The following ROBO2 variants were observed in gnomAD, a reference collection of about 807,000 sequenced individuals.
ROBO2 encodes the protein roundabout guidance receptor 2.
Under a neutral mutation model 160.8 loss-of-function variants are expected in ROBO2, and 53 were observed. That is an observed-to-expected ratio of 0.33 (90% confidence interval 0.26 to 0.41). The LOEUF is 0.41. Ranked by LOEUF, ROBO2 falls within the 10% of genes least tolerant of loss-of-function variation. ROBO2 has a pLI of 1.00. For missense variants in ROBO2, 1,577 were observed against 1,722.4 expected, an observed-to-expected ratio of 0.92 and a Z score of 1.49; for synonymous variants, 664 against 611.7, an observed-to-expected ratio of 1.09 and a Z score of -1.26.
At chr3:76,890,506 C>G (rs1018359376) in intron 2 of ROBO2, among the ~76,000 whole-genome samples, 3 of 152,066 alleles carry the variant, frequency 2.0e-5, no homozygotes, top group African/African-American at 4.8e-5. Context: ...GCTGTCTGTC[C>G]CAGAAGAGCC....
At position 77,584,746 on chromosome 3, in the gene ROBO2, G is replaced by A. The variant is rs566579882; in HGVS notation, c.2501-4005G>A. On this transcript the variant is annotated intron_variant, in intron 16 of 25. Coordinates refer to ENST00000461745, the Ensembl canonical transcript of ROBO2. ...TAACCTGAGGGAAACCTACAATCTTGTCCTTCTGAGATTTTCTAAAATAAA... is the reference window on the plus strand; with the variant it reads ...TAACCTGAGGGAAACCTACAATCTTATCCTTCTGAGATTTTCTAAAATAAA... 4.0e-5 allele frequency among the ~76,000 whole-genome samples: 6 copies of A among 151,822 alleles called. No individual in the cohort carries two copies. The South Asian group carries it at 1.2e-3, about 32-fold the overall frequency.
intron 22 of ROBO2, among the ~76,000 whole-genome samples, chr3:77,621,514 T>C (rs1056680888): frequency 2.0e-5 from 3 of 152,196 alleles, no homozygotes; most frequent in Non-Finnish European, 4.4e-5. Context: ...TTAGAATTAT[T>C]TATTCATTGC....
intron 2 of ROBO2, among the ~76,000 whole-genome samples, chr3:77,130,664 A>G (rs969697075): frequency 6.6e-6 from 1 of 152,166 alleles, no homozygotes; most frequent in Admixed American, 6.5e-5. Flanking sequence ...TACATACATT[A>G]TTATTAACTA....
intron 2 of ROBO2, among the ~76,000 whole-genome samples, chr3:76,832,314 G>C (rs145570087): frequency 6.6e-6 from 1 of 152,144 alleles, no homozygotes; most frequent in Non-Finnish European, 1.5e-5. Flanking sequence ...ACTATTTCCT[G>C]CTCTCTGTTA....
At chr3:76,937,249 T>C (rs2149088657) in intron 2 of ROBO2, among the ~76,000 whole-genome samples, 1 of 152,326 alleles carries the variant, frequency 6.6e-6, no homozygotes, top group African/African-American at 2.4e-5. Context: ...CTGATTCAAA[T>C]GTCTACCTTA....
intron 2 of ROBO2, among the ~76,000 whole-genome samples, chr3:76,418,386 G>A (rs1347940443): frequency 6.6e-6 from 1 of 152,070 alleles, no homozygotes; most frequent in Non-Finnish European, 1.5e-5. Context: ...GACTACAGGT[G>A]AATGCCACCA....
chr3:77,413,613 C>T (rs34820958), intron 2 of ROBO2, among the ~76,000 whole-genome samples: 16,574 of 152,124 alleles, frequency 0.11, 954 homozygotes, highest in South Asian at 0.16. Flanking sequence ...GTTACAGTAA[C>T]GTAGGTGAGA....
intron 12 of ROBO2, among the ~76,000 whole-genome samples, chr3:77,566,769 C>T (rs1440066754): frequency 6.6e-6 from 1 of 152,022 alleles, no homozygotes; most frequent in East Asian, 1.9e-4. Context: ...GACTTCTGTG[C>T]TCTTAACAAA....
At chr3:76,849,051 C>G (rs2069063208) in intron 2 of ROBO2, among the ~76,000 whole-genome samples, 1 of 152,032 alleles carries the variant, frequency 6.6e-6, no homozygotes, top group Non-Finnish European at 1.5e-5. Flanking sequence ...CAAGTGTCAC[C>G]CCATCTGTTT....
Position 76,028,916 on chromosome 3 carries a change from C to T in ROBO2, c.109+91314C>T, listed in dbSNP as rs560594305. Among the ~76,000 whole-genome samples the T allele has an allele frequency of 2.0e-5, 3 of 152,198 alleles. No homozygotes were observed. The South Asian group carries it at 6.2e-4, about 31-fold the overall frequency. ...TAAAGCCCTATCACTGGCATTCCAA[C>T]TCTGCTGTGATCCTATTTTGGGGGC... On this transcript the variant is annotated intron_variant, in intron 2 of 26. Coordinates refer to the ROBO2 transcript ENST00000487694.
intron 2 of ROBO2, among the ~76,000 whole-genome samples, chr3:76,916,870 CT>C (rs2076348944): frequency 6.6e-6 from 1 of 152,046 alleles, no homozygotes; most frequent in Admixed American, 6.6e-5. Flanking sequence ...CACACAGTTG[CT>C]TTTTCTTTTT....
intron 2 of ROBO2, among the ~76,000 whole-genome samples, chr3:77,452,419 A>C (rs1244836025): frequency 2.0e-5 from 3 of 152,168 alleles, no homozygotes; most frequent in Non-Finnish European, 4.4e-5. Flanking sequence ...CAGATAAACT[A>C]ACCATGTTTG....
At chr3:76,942,404 C>A (rs1165139305) in intron 2 of ROBO2, among the ~76,000 whole-genome samples, 1 of 152,190 alleles carries the variant, frequency 6.6e-6, no homozygotes, top group Non-Finnish European at 1.5e-5. Flanking sequence ...TTTCCATAGA[C>A]CTGGTTTTCT....
chr3:76,923,200 T>C lies in ROBO2; in HGVS notation c.110-174814T>C, dbSNP rs1184732332. 2.6e-5 allele frequency among the ~76,000 whole-genome samples: 4 copies of C among 152,180 alleles called. No homozygotes were observed. In the South Asian group the frequency reaches 6.2e-4, roughly 24 times the overall value. ...GAGACAAAGCTTAACTCACTCAAAC[T>C]ATCAAAAATATGAATCATTGCTGGA... On this transcript the variant is annotated intron_variant, in intron 2 of 26. Coordinates refer to the ROBO2 transcript ENST00000487694.
At chr3:76,672,576 C>T (rs2092298016) in intron 2 of ROBO2, among the ~76,000 whole-genome samples, 1 of 152,030 alleles carries the variant, frequency 6.6e-6, no homozygotes. Flanking sequence ...AGTGTTTGTA[C>T]ATTTGAGGGA....
intron 2 of ROBO2, among the ~76,000 whole-genome samples, chr3:76,775,875 G>GCAGCTAAA (rs1466100416): frequency 1.3e-5 from 2 of 150,616 alleles, no homozygotes; most frequent in East Asian, 3.9e-4. Flanking sequence ...AAAGTATGTA[G>GCAGCTAAA]CACCTAAACA....
At chr3:76,057,167 T>C (rs1266900303) in intron 2 of ROBO2, among the ~76,000 whole-genome samples, 1 of 152,210 alleles carries the variant, frequency 6.6e-6, no homozygotes, top group Admixed American at 6.5e-5. Context: ...CTTTTATTTA[T>C]ACGTGCTTCA....
intron 2 of ROBO2, among the ~76,000 whole-genome samples, chr3:77,199,620 A>ATTTTTT (rs66672194): frequency 5.1e-5 from 6 of 118,168 alleles, no homozygotes; most frequent in African/African-American, 1.4e-4. Flanking sequence ...CTCAGTCACC[A>ATTTTTT]TTTTTTTTTT....
At chr3:77,003,473 T>TC in intron 2 of ROBO2, among the ~76,000 whole-genome samples, 1 of 152,326 alleles carries the variant, frequency 6.6e-6, no homozygotes, top group Non-Finnish European at 1.5e-5. Flanking sequence ...TAGTCTTTGT[T>TC]TTTTTCCCAT....
Sources: gnomAD v4.1 joint callset for allele counts (sites outside exome capture counted in the v4.1 genomes callset) on GRCh38, gnomAD v4.1.1 for gene constraint, MANE v1.5 for transcripts, NCBI Gene and HGNC (gene_info 2026-07-23, HGNC 2026-07-21) for gene names.